CDH12: variants seen among roughly 807,000 people sequenced by gnomAD.
The protein encoded by CDH12 is cadherin 12, also known as cadherin-12.
A neutral mutation model predicts 74.1 loss-of-function variants in CDH12; 41 were observed. The observed-to-expected ratio is 0.55, with a 90% confidence interval of 0.43 to 0.72. CDH12 has a LOEUF of 0.72. Ranked by LOEUF, CDH12 falls within the 30% of genes least tolerant of loss-of-function variation. The probability of loss-of-function intolerance (pLI) is 0.00; values close to 1 mark genes in which losing one functional copy is unlikely to be tolerated. For synonymous variants in CDH12, 399 were observed against 355.0 expected (o/e 1.12, Z -1.39); for missense variants, 945 against 977.2 (o/e 0.97, Z 0.44).
At chr5:22,307,873 GTTTTTTTTTTTT>G (rs35242143) in intron 3 of CDH12, among the ~76,000 whole-genome samples, 6 of 68,658 alleles carry the variant, frequency 8.7e-5, no homozygotes, top group Non-Finnish European at 1.4e-4. Flanking sequence ...CTTTCTTTTA[GTTTTTTTTTTTT>G]TTTTTTTTTT....
intron 3 of CDH12, among the ~76,000 whole-genome samples, chr5:22,319,392 T>C (rs956754151): frequency 1.3e-5 from 2 of 152,022 alleles, no homozygotes; most frequent in Non-Finnish European, 2.9e-5. Context: ...ACATCCTATG[T>C]GGGAAGAAAA....
chr5:22,483,271 T>G (rs1746451903), intron 2 of CDH12, among the ~76,000 whole-genome samples: 1 of 152,116 alleles, frequency 6.6e-6, no homozygotes, highest in African/African-American at 2.4e-5. Flanking sequence ...CTGTCTCAAG[T>G]TTTTAAAAAT....
intron 7 of CDH12, among the ~76,000 whole-genome samples, chr5:21,850,762 C>G (rs144690323): frequency 2.3e-3 from 354 of 151,412 alleles, no homozygotes; most frequent in Admixed American, 4.8e-3. Flanking sequence ...CAGGATCACA[C>G]AGCAAGAAAT....
intron 2 of CDH12, among the ~76,000 whole-genome samples, chr5:22,495,291 T>G (rs1372800149): frequency 6.6e-6 from 1 of 152,204 alleles, no homozygotes; most frequent in African/African-American, 2.4e-5. Flanking sequence ...CCTACCACTC[T>G]TCACAGAAAC....
Position 22,115,689 on chromosome 5 carries a change from CT to C in CDH12, c.-186-36828del, listed in dbSNP as rs10669028. Among the ~76,000 whole-genome samples, 625 of 110,466 alleles carry C rather than the reference CT, an allele frequency of 5.7e-3. 6 individuals carry two copies. Among genetic ancestry groups the C allele is most frequent in the African/African-American group, 0.018 (522 of 28,362 alleles). 72.5% of individuals were successfully genotyped at this position (110,466 alleles called of 152,430 possible). A position where few individuals can be genotyped will look rare whatever the true frequency, so the allele number is the denominator to read the frequency against. On this transcript the variant is annotated intron_variant, in intron 4 of 14. Transcript: ENST00000382254. The stretch of plus-strand genomic sequence containing the variant: ...ATAGGCACAATTTTGGTCCTCGCGA[CT>C]TTTTTTTTTTTTTTTTTTTTGAGAC...
At position 22,457,994 on chromosome 5, in the gene CDH12, C is replaced by T. The variant is rs111397639; in HGVS notation, c.-428+47276G>A. The stretch of plus-strand genomic sequence containing the variant: ...TCCTGACCTCATGATCCACCCGCCT[C>T]GGCCTCCCAAAGTGCTGGGATTACA... On this transcript the variant is annotated intron_variant, in intron 2 of 14. Coordinates refer to ENST00000382254, the MANE Select transcript of CDH12 (RefSeq NM_004061.5). 4.0e-3 allele frequency among the ~76,000 whole-genome samples: 604 copies of T among 152,070 alleles called. 7 individuals carry two copies. Among genetic ancestry groups the T allele is most frequent in the African/African-American group, 0.014 (574 of 41,484 alleles).
chr5:22,780,136 A>G (rs1747313157), intron 1 of CDH12, among the ~76,000 whole-genome samples: 1 of 152,144 alleles, frequency 6.6e-6, no homozygotes, highest in African/African-American at 2.4e-5. Context: ...TTGCAATCCC[A>G]GCACTTTTGG....
At chr5:21,771,519 G>A (rs1277689378) in intron 11 of CDH12, among the ~76,000 whole-genome samples, 1 of 152,098 alleles carries the variant, frequency 6.6e-6, no homozygotes, top group Non-Finnish European at 1.5e-5. Context: ...ATTTTCTGAT[G>A]GGCAATTGGT....
intron 4 of CDH12, among the ~76,000 whole-genome samples, chr5:22,107,468 G>T (rs7447646): frequency 1.8e-5 from 1 of 56,778 alleles, no homozygotes. Flanking sequence ...GTGTATATAC[G>T]TATATACATA....
intron 3 of CDH12, among the ~76,000 whole-genome samples, chr5:22,369,217 G>A (rs6895771): frequency 0.072 from 10,998 of 152,120 alleles, 456 homozygotes; most frequent in South Asian, 0.17. Flanking sequence ...GTTAACAAAT[G>A]TTTAAAGGCA....
chr5:22,680,462 C>T (rs954130233), intron 1 of CDH12, among the ~76,000 whole-genome samples: 8 of 151,798 alleles, frequency 5.3e-5, no homozygotes, highest in African/African-American at 1.9e-4. Flanking sequence ...AGGTAATATC[C>T]AACTCACGTA....
intron 1 of CDH12, among the ~76,000 whole-genome samples, chr5:22,686,205 T>C (rs1741789884): frequency 2.6e-5 from 4 of 152,202 alleles, no homozygotes; most frequent in South Asian, 4.1e-4. Flanking sequence ...TATAAATATA[T>C]ATATATTTTC....
At position 21,750,946 on chromosome 5, in the gene CDH12, CTTT is replaced by C. The variant is rs986485511; in HGVS notation, c.*788_*790del. On this transcript the variant is annotated 3_prime_UTR_variant, in exon 15 of 15. Transcript: ENST00000382254. ...CTCTTTATAAAGAGGAATATTTTTT[CTTT>C]TTTTTCTTTCTTTTTTTTTTGGAAA... The C allele has an allele frequency of 2.0e-5, 3 of 150,406 alleles. No homozygotes were observed. The highest frequency in any genetic ancestry group is 4.4e-5 in the Non-Finnish European group (3 of 67,474). 9.3% of individuals were successfully genotyped at this position (150,406 alleles called of 1,614,324 possible).
chr5:21,891,601 A>ACACACACT (rs762795304), intron 6 of CDH12, among the ~76,000 whole-genome samples: 10 of 150,336 alleles, frequency 6.7e-5, no homozygotes, highest in African/African-American at 2.0e-4. Context: ...ACACACACAC[A>ACACACACT]CTCTTTCTGG....
At chr5:22,040,652 A>G (rs1739513219) in intron 5 of CDH12, among the ~76,000 whole-genome samples, 1 of 152,204 alleles carries the variant, frequency 6.6e-6, no homozygotes, top group Non-Finnish European at 1.5e-5. Context: ...ATGGGATGAT[A>G]TATTTAAAGT....
chr5:21,861,050 AG>A (rs1751018225), intron 6 of CDH12, among the ~76,000 whole-genome samples: 1 of 151,986 alleles, frequency 6.6e-6, no homozygotes, highest in Admixed American at 6.6e-5. Context: ...TGGGTGAAAA[AG>A]GTCCTGAAAG....
At chr5:22,316,204 T>C (rs942381732) in intron 3 of CDH12, among the ~76,000 whole-genome samples, 1 of 147,780 alleles carries the variant, frequency 6.8e-6, no homozygotes, top group African/African-American at 2.5e-5. Flanking sequence ...AATCTAAGAC[T>C]AAAAAAAAGA....
chr5:22,092,412 T>C (rs1209482339), intron 4 of CDH12, among the ~76,000 whole-genome samples: 1 of 152,164 alleles, frequency 6.6e-6, no homozygotes, highest in Non-Finnish European at 1.5e-5. Context: ...CCATTTATTA[T>C]TCAATAGAAA....
chr5:22,815,782 A>AAAAT (rs1561051288), intron 1 of CDH12, among the ~76,000 whole-genome samples: 4 of 148,972 alleles, frequency 2.7e-5, no homozygotes, highest in African/African-American at 4.9e-5. Context: ...AAAAAAAAAA[A>AAAAT]AAATAAATAA....
Sources: allele counts gnomAD v4.1 joint callset (sites outside exome capture counted in the v4.1 genomes callset), GRCh38; gene constraint gnomAD v4.1.1; transcripts MANE v1.5; gene names NCBI Gene and HGNC (gene_info 2026-07-23, HGNC 2026-07-21).